The following PLEKHD1 variants were observed in gnomAD, a reference collection of about 807,000 sequenced individuals.
PLEKHD1 encodes pleckstrin homology domain-containing family D member 1.
PLEKHD1 carries 51 observed loss-of-function variants against 69.2 expected under a neutral mutation model. The ratio of observed to expected loss-of-function variants is 0.74; its 90% CI spans 0.59 to 0.93. The LOEUF is 0.93. Ranked by LOEUF, PLEKHD1 falls within the 40% of genes least tolerant of loss-of-function variation. The probability of loss-of-function intolerance (pLI) is 0.00; values close to 1 mark genes in which losing one functional copy is unlikely to be tolerated. For missense variants in PLEKHD1, 584 were observed against 641.0 expected, an observed-to-expected ratio of 0.91 and a Z score of 0.96; for synonymous variants, 236 against 244.7, an observed-to-expected ratio of 0.96 and a Z score of 0.33.
intron 4 of PLEKHD1, 125 bp downstream of exon 4, chr14:69,501,072 T>A: frequency 9.8e-7 from 1 of 1,019,268 alleles, no homozygotes; most frequent in Non-Finnish European, 1.5e-6. Context: ...GGGAGATGGC[T>A]AGGGTAGGGG....
intron 1 of PLEKHD1, among the ~76,000 whole-genome samples, chr14:69,485,623 G>A (rs1319887380): frequency 6.6e-6 from 1 of 152,230 alleles, no homozygotes; most frequent in Non-Finnish European, 1.5e-5. Flanking sequence ...TAAGGAGGGA[G>A]GAAGGGCCAG....
intron 1 of PLEKHD1, among the ~76,000 whole-genome samples, chr14:69,497,116 G>A (rs7156989): frequency 0.01 from 1,572 of 152,294 alleles, 23 homozygotes; most frequent in African/African-American, 0.036. Context: ...ATCACTCAGC[G>A]CTGTCCTGAG....
chr14:69,493,833 G>A (rs111564278), intron 1 of PLEKHD1, among the ~76,000 whole-genome samples: 79 of 152,312 alleles, frequency 5.2e-4, no homozygotes, highest in African/African-American at 1.8e-3. Flanking sequence ...CCAATGCTCC[G>A]GGCTTCACCC....
chr14:69,468,090 C>T, the PLEKHD1 span, among the ~76,000 whole-genome samples: 757 of 152,272 alleles, frequency 5.0e-3, 7 homozygotes, highest in African/African-American at 0.018. Context: ...GAAATAAACA[C>T]AGTTATTCAT....
Position 69,500,583 on chromosome 14 carries a change from A to G in PLEKHD1, c.250A>G (p.Ile84Val). The change falls in exon 3 of 13, where the codon ATC (isoleucine) becomes GTC (valine). Residue 84 changes from isoleucine (I) to valine (V), a missense_variant. Physicochemically the swap from Ile to Val is conservative, Grantham distance 29. Coordinates refer to ENST00000322564, the MANE Select transcript of PLEKHD1 (RefSeq NM_001161498.2). ...KYFNIHPKGV[I>V]PLGGCLVEPK... ...TGTTCTGGTTCTTCCTCAGGGCGTC[A>G]TCCCTCTGGGGGGCTGCCTGGTGGA... 1.3e-6 allele frequency: 2 copies of G among 1,549,408 alleles called. No individual in the cohort carries two copies. Among genetic ancestry groups the G allele is most frequent in the Non-Finnish European group, 1.7e-6 (2 of 1,145,932 alleles).
At chr14:69,468,847 C>T in the PLEKHD1 span, among the ~76,000 whole-genome samples, 1 of 152,194 alleles carries the variant, frequency 6.6e-6, no homozygotes, top group Non-Finnish European at 1.5e-5. Flanking sequence ...TCCCAAAGTG[C>T]TGGGATTACA....
chr14:69,485,188 C>A, intron 1 of PLEKHD1, 74 bp downstream of exon 1: 1 of 1,467,270 alleles, frequency 6.8e-7, no homozygotes, highest in Non-Finnish European at 9.1e-7. Flanking sequence ...CCACCCCCTC[C>A]AGTCGCCGTC....
At chr14:69,523,753 G>A (rs113806024) in intron 7 of PLEKHD1, among the ~76,000 whole-genome samples, 7 of 152,148 alleles carry the variant, frequency 4.6e-5, no homozygotes, top group Non-Finnish European at 8.8e-5. Context: ...GGCAGGAGAA[G>A]GGAAAGACTT....
At chr14:69,526,420 A>C (rs931574884) in intron 9 of PLEKHD1, among the ~76,000 whole-genome samples, 1 of 152,134 alleles carries the variant, frequency 6.6e-6, no homozygotes, top group East Asian at 1.9e-4. Context: ...CAAATGAGGA[A>C]ATGGAGCCTC....
chr14:69,473,393 C>T, the PLEKHD1 span, among the ~76,000 whole-genome samples: 2 of 151,658 alleles, frequency 1.3e-5, no homozygotes, highest in African/African-American at 4.9e-5. Context: ...CTGGCAGGAC[C>T]AGCTGCTGAC....
chr14:69,531,484 A>AT lies in PLEKHD1; in HGVS notation c.*3072dup, dbSNP rs1208220137. 3 of 152,214 alleles carry AT rather than the reference A, an allele frequency of 2.0e-5. No homozygotes were observed. The highest frequency in any genetic ancestry group is 2.9e-5 in the Non-Finnish European group (2 of 68,052). 9.4% of individuals were successfully genotyped at this position (152,214 alleles called of 1,614,324 possible). A position where few individuals can be genotyped will look rare whatever the true frequency, so the allele number is the denominator to read the frequency against. On this transcript the variant is annotated 3_prime_UTR_variant, in exon 13 of 13. Transcript: ENST00000322564. ...TACTTAGTGGAGATATGTTGATGTA[A>AT]TTTTTTTAATTTTTAAAAACAAAAC...
rs191505272 is a variant in PLEKHD1 at position 69,495,800 on chromosome 14, C to A, written c.150-4315C>A. ...TCTTAACTAGGCTGTCCCTGCCCAC[C>A]CTCTTTGACATGGACCCATGCCCAC... is the stretch of plus-strand genomic sequence containing the variant. On this transcript the variant is annotated intron_variant, in intron 1 of 12. Coordinates refer to ENST00000322564, the MANE Select transcript of PLEKHD1 (RefSeq NM_001161498.2). Among the ~76,000 whole-genome samples, 269 of 152,344 alleles carry A rather than the reference C, an allele frequency of 1.8e-3. 1 individual carries two copies. Among genetic ancestry groups the A allele is most frequent in the African/African-American group, 5.6e-3 (234 of 41,572 alleles).
At chr14:69,526,673 A>G in intron 9 of PLEKHD1, 24 bp from the exon 10 acceptor site, 16 of 1,466,914 alleles carry the variant, frequency 1.1e-5, no homozygotes, top group Non-Finnish European at 1.5e-5. Context: ...GAGCATTGAG[A>G]AAGTGCCTCT....
In PLEKHD1 at chr14:69,527,342, G is replaced by A. The variant is rs1459552442; in HGVS notation, c.1201+10G>A. ...GTGAGCCATCTGAAAAGTAAGCCCT[G>A]CCTCTAGGCCCTGGCCCCCAGCTTT... On this transcript the variant is annotated intron_variant, in intron 11 of 12. Coordinates refer to ENST00000322564, the MANE Select transcript of PLEKHD1 (RefSeq NM_001161498.2). 2 of 1,551,470 alleles carry A rather than the reference G, an allele frequency of 1.3e-6. No homozygotes were observed. Among genetic ancestry groups the A allele is most frequent in the Non-Finnish European group, 1.7e-6 (2 of 1,146,982 alleles).
chr14:69,525,959 A>C lies in PLEKHD1; in HGVS notation c.760A>C (p.Lys254Gln). The C allele has an allele frequency of 1.9e-6, 3 of 1,551,318 alleles. No homozygotes were observed. The highest frequency in any genetic ancestry group is 2.6e-6 in the Non-Finnish European group (3 of 1,146,892). ...TCCATGCCAGGAACTCTCCATAGAG[A>C]AGAAGAAAACCCTGGAAATGCTGGA... The part of the protein sequence containing the change: ...QQTLEELSIE[K>Q]KKTLEMLEEN... The change falls in exon 9 of 13, where the codon AAG becomes CAG. Residue 254 changes from lysine to glutamine, a missense_variant. Transcript: ENST00000322564.
chr14:69,469,682 A>C, the PLEKHD1 span, among the ~76,000 whole-genome samples: 1 of 151,984 alleles, frequency 6.6e-6, no homozygotes, highest in African/African-American at 2.4e-5. Flanking sequence ...AAGCACGGAG[A>C]CGACTGGTGT....
chr14:69,524,114 AAGAGCCCTCCTGAGCCCC>A lies in PLEKHD1; in HGVS notation c.651-113_651-96del, dbSNP rs910532597. ...AGCTGTGCAGAGGGGCTGGCCATTC[AAGAGCCCTCCTGAGCCCC>A]ATCAGGAAGTGAAGCAAAAGCATTT... On this transcript the variant is annotated intron_variant, in intron 7 of 12. Transcript: ENST00000322564. The A allele has an allele frequency of 3.3e-5, 27 of 818,928 alleles. No individual in the cohort carries two copies. The Admixed American group carries it at 6.3e-4, about 19-fold the overall frequency. The allele number at this position is 818,928 out of a possible 1,614,324, so 50.7% of individuals were successfully genotyped here. A position where few individuals can be genotyped will look rare whatever the true frequency, so the allele number is the denominator to read the frequency against.
intron 1 of PLEKHD1, among the ~76,000 whole-genome samples, chr14:69,487,803 A>G (rs1882688228): frequency 6.6e-6 from 1 of 152,236 alleles, no homozygotes. Flanking sequence ...ATGGAAGTGC[A>G]AAGACCTGGG....
Position 69,528,512 on chromosome 14 carries a change from CCT to C in PLEKHD1, c.*98_*99del. 1.4e-6 allele frequency: 2 copies of C among 1,436,480 alleles called. No individual in the cohort carries two copies. Among genetic ancestry groups the C allele is most frequent in the Non-Finnish European group, 1.9e-6 (2 of 1,079,090 alleles). The allele number at this position is 1,436,480 out of a possible 1,614,324, so 89.0% of individuals were successfully genotyped here. ...GAGGCCTCACTCTACCAGCTCCTGG[CCT>C]CTCTGGTCTGGAGCCTATGTCTCCT... is the stretch of plus-strand genomic sequence containing the variant. On this transcript the variant is annotated 3_prime_UTR_variant, in exon 13 of 13. Transcript: ENST00000322564.
Sources: gnomAD v4.1 joint callset for allele counts (sites outside exome capture counted in the v4.1 genomes callset) on GRCh38, gnomAD v4.1.1 for gene constraint, MANE v1.5 for transcripts, NCBI Gene and HGNC (gene_info 2026-07-23, HGNC 2026-07-21) for gene names.